The following SQOR variants were observed in gnomAD, a reference collection of about 807,000 sequenced individuals.
The protein encoded by SQOR is sulfide quinone oxidoreductase, also known as sulfide:quinone oxidoreductase, mitochondrial.
Under a neutral mutation model 48.6 loss-of-function variants are expected in SQOR, and 39 were observed. The ratio of observed to expected loss-of-function variants is 0.80; its 90% CI spans 0.62 to 1.05. SQOR has a LOEUF of 1.05. Ranked by LOEUF, SQOR falls within the 50% of genes least tolerant of loss-of-function variation. SQOR has a pLI of 0.00. For missense variants in SQOR, 561 were observed against 559.9 expected (o/e 1.00, Z -0.02); for synonymous variants, 220 against 206.2 (o/e 1.07, Z -0.57).
intron 2 of SQOR, among the ~76,000 whole-genome samples, chr15:45,659,813 T>C (rs1055463076): frequency 4.6e-5 from 7 of 152,260 alleles, no homozygotes; most frequent in Admixed American, 4.6e-4. Flanking sequence ...TCCCAGGTAC[T>C]GGGGTTAGAA....
chr15:45,634,180 A>G (rs1293345387), upstream of SQOR, among the ~76,000 whole-genome samples: 1 of 135,034 alleles, frequency 7.4e-6, no homozygotes, highest in Non-Finnish European at 1.6e-5. Flanking sequence ...ACTCTGTTTC[A>G]AAAAACAACA....
At chr15:45,635,963 G>A (rs1894996975) in intron 1 of SQOR, among the ~76,000 whole-genome samples, 1 of 152,082 alleles carries the variant, frequency 6.6e-6, no homozygotes, top group Non-Finnish European at 1.5e-5. Flanking sequence ...AGCCTGCCGA[G>A]TAACTGGGAT....
In SQOR at chr15:45,689,040, A is replaced by G; in HGVS notation, c.1118A>G (p.Tyr373Cys). 1.9e-6 allele frequency: 3 copies of G among 1,613,256 alleles called. No individual in the cohort carries two copies. Among genetic ancestry groups the G allele is most frequent in the South Asian group, 1.1e-5 (1 of 90,928 alleles). Residue 373 changes from tyrosine to cysteine, a missense_variant and splice_region_variant, in exon 9 of 10, where the codon TAT becomes TGT. Coordinates refer to ENST00000260324, the MANE Select transcript of SQOR (RefSeq NM_021199.4). ...IMKNQTPTKK[Y>C]DGYTSCPLVT... ...ACTCAGTCTGATTTACAATTTTAGT[A>G]TGATGGCTACACATCATGTCCACTG...
intron 7 of SQOR, among the ~76,000 whole-genome samples, chr15:45,686,538 T>C (rs1012282898): frequency 3.9e-5 from 6 of 152,232 alleles, no homozygotes; most frequent in Non-Finnish European, 5.9e-5. Flanking sequence ...CTTCTTTGAT[T>C]TGGACATCAG....
chr15:45,641,773 C>T (rs1895108627), intron 1 of SQOR, among the ~76,000 whole-genome samples: 1 of 152,200 alleles, frequency 6.6e-6, no homozygotes, highest in African/African-American at 2.4e-5. Flanking sequence ...GACCTTTACT[C>T]CACTTTGAGT....
intron 3 of SQOR, among the ~76,000 whole-genome samples, chr15:45,663,677 G>A (rs886141901): frequency 1.3e-5 from 2 of 152,042 alleles, no homozygotes; most frequent in African/African-American, 2.4e-5. Context: ...TAAGGTGGGA[G>A]GATCACTTGA....
At chr15:45,642,421 T>C (rs1378212216) in intron 1 of SQOR, among the ~76,000 whole-genome samples, 2 of 152,214 alleles carry the variant, frequency 1.3e-5, no homozygotes, top group African/African-American at 4.8e-5. Context: ...CCAAATTTTT[T>C]AATGTTGATG....
intron 1 of SQOR, among the ~76,000 whole-genome samples, chr15:45,641,661 C>T (rs1489230909): frequency 6.6e-6 from 1 of 152,178 alleles, no homozygotes; most frequent in Non-Finnish European, 1.5e-5. Context: ...ATTACTCAAG[C>T]AGAGGTGTGC....
intron 1 of SQOR, among the ~76,000 whole-genome samples, chr15:45,650,911 C>T (rs956392068): frequency 1.3e-5 from 2 of 152,242 alleles, no homozygotes; most frequent in Non-Finnish European, 1.5e-5. Context: ...CGTAAAAGTT[C>T]TCCAAGTCCC....
At chr15:45,680,241 T>C (rs1290622683) in intron 6 of SQOR, among the ~76,000 whole-genome samples, 1 of 151,980 alleles carries the variant, frequency 6.6e-6, no homozygotes, top group Non-Finnish European at 1.5e-5. Flanking sequence ...TCTATAGGCA[T>C]GCACTACCAT....
intron 7 of SQOR, among the ~76,000 whole-genome samples, chr15:45,685,101 TTAAGAG>T (rs1890198509): frequency 6.6e-6 from 1 of 152,214 alleles, no homozygotes; most frequent in Non-Finnish European, 1.5e-5. Context: ...GTTTTTGCCA[TTAAGAG>T]TAATGTCTCT....
Position 45,673,747 on chromosome 15 carries a change from G to C in SQOR, c.600G>C (p.Lys200Asn), listed in dbSNP as rs377509781. The change falls in exon 5 of 10, where the codon AAG becomes AAC. Residue 200 changes from lysine (K) to asparagine (N), a missense_variant. By Grantham distance (94) the Lys-to-Asn change is moderately conservative (BLOSUM62 0). Transcript: ENST00000260324. ...TCACCTTCCCAAATACTCCAGTGAAGTGTGCTGGAGCCCCTCAGAAGATCA... is the reference window on the plus strand; with the variant it reads ...TCACCTTCCCAAATACTCCAGTGAACTGTGCTGGAGCCCCTCAGAAGATCA... ...AIFTFPNTPV[K>N]CAGAPQKIMY... The C allele has an allele frequency of 6.2e-7, 1 of 1,614,168 alleles. No individual in the cohort carries two copies. Among genetic ancestry groups the C allele is most frequent in the Non-Finnish European group, 8.5e-7 (1 of 1,180,024 alleles).
intron 6 of SQOR, among the ~76,000 whole-genome samples, chr15:45,680,380 C>A (rs1890106616): frequency 2.0e-5 from 3 of 151,614 alleles, no homozygotes; most frequent in Admixed American, 2.0e-4. Context: ...AGGTGTGAGC[C>A]ACCACACCTG....
intron 1 of SQOR, among the ~76,000 whole-genome samples, chr15:45,646,795 G>T (rs567246541): frequency 8.6e-5 from 13 of 151,328 alleles, no homozygotes; most frequent in Non-Finnish European, 1.6e-4. Flanking sequence ...GGCCCATTTT[G>T]TTTCATCTAC....
At chr15:45,649,004 A>G (rs1302234973) in intron 1 of SQOR, among the ~76,000 whole-genome samples, 1 of 152,232 alleles carries the variant, frequency 6.6e-6, no homozygotes. Context: ...GTTGATGACA[A>G]TCCTTGGCTT....
chr15:45,677,761 T>C (rs1192036299), intron 6 of SQOR, among the ~76,000 whole-genome samples: 2 of 152,226 alleles, frequency 1.3e-5, no homozygotes, highest in Non-Finnish European at 2.9e-5. Flanking sequence ...AGTGCAGTGG[T>C]GCAATCTCAG....
intron 3 of SQOR, among the ~76,000 whole-genome samples, chr15:45,667,289 C>CTGTAAAGATTAGCT (rs1166839466): frequency 6.6e-6 from 1 of 151,274 alleles, no homozygotes; most frequent in Non-Finnish European, 1.5e-5. Context: ...ACTACAGGCA[C>CTGTAAAGATTAGCT]ACACTACCAT....
intron 1 of SQOR, among the ~76,000 whole-genome samples, chr15:45,649,912 A>C (rs1368263872): frequency 6.6e-6 from 1 of 151,756 alleles, no homozygotes; most frequent in Non-Finnish European, 1.5e-5. Context: ...GCGTGACCTC[A>C]GCTCACTGCA....
chr15:45,666,727 C>T (rs1889824177), intron 3 of SQOR, among the ~76,000 whole-genome samples: 1 of 144,310 alleles, frequency 6.9e-6, no homozygotes, highest in Non-Finnish European at 1.5e-5. Flanking sequence ...TCCTTTTCCT[C>T]TCCCCTCCCC....
Sources: allele counts gnomAD v4.1 joint callset (sites outside exome capture counted in the v4.1 genomes callset), GRCh38; gene constraint gnomAD v4.1.1; transcripts MANE v1.5; gene names NCBI Gene and HGNC (gene_info 2026-07-23, HGNC 2026-07-21).